Variants in ARHGEF11 observed in about 807,000 individuals in gnomAD.
ARHGEF11 encodes Rho guanine nucleotide exchange factor 11.
Under a neutral mutation model 193.7 loss-of-function variants are expected in ARHGEF11, and 55 were observed. The ratio of observed to expected loss-of-function variants is 0.28; its 90% CI spans 0.23 to 0.36. The LOEUF (loss-of-function observed/expected upper bound fraction) is 0.36, where lower values mean the gene tolerates loss of function less well. Among genes scored for constraint, ARHGEF11 ranks in the 10% least tolerant of loss-of-function variants. ARHGEF11 has a pLI of 1.00. For synonymous variants in ARHGEF11, 693 were observed against 768.0 expected (o/e 0.90, Z 1.62); for missense variants, 1,723 against 2,005.6 (o/e 0.86, Z 2.69).
intron 1 of ARHGEF11, among the ~76,000 whole-genome samples, chr1:157,018,913 G>T (rs536770973): frequency 6.6e-6 from 1 of 152,232 alleles, no homozygotes; most frequent in South Asian, 2.1e-4. Flanking sequence ...AGAACAACTG[G>T]ACCTCATATG....
At chr1:156,965,917 G>C (rs1661617273) in intron 11 of ARHGEF11, among the ~76,000 whole-genome samples, 1 of 152,170 alleles carries the variant, frequency 6.6e-6, no homozygotes, top group Non-Finnish European at 1.5e-5. Flanking sequence ...CCACTCAGAA[G>C]ACAATTTTGA....
At chr1:156,960,591 C>CT (rs1368568285) in intron 14 of ARHGEF11, 131 bp from the exon 15 acceptor site, 3 of 749,102 alleles carry the variant, frequency 4.0e-6, no homozygotes, top group Non-Finnish European at 6.7e-6. Context: ...TACCATCCTT[C>CT]TCATCACTCT....
intron 11 of ARHGEF11, among the ~76,000 whole-genome samples, chr1:156,966,217 G>C (rs1043128447): frequency 6.6e-6 from 1 of 152,116 alleles, no homozygotes; most frequent in Admixed American, 6.5e-5. Context: ...AATTACTTTA[G>C]AGACCCCATC....
chr1:157,018,676 ACCT>A (rs1669594521), intron 1 of ARHGEF11, among the ~76,000 whole-genome samples: 1 of 152,064 alleles, frequency 6.6e-6, no homozygotes, highest in Non-Finnish European at 1.5e-5. Context: ...AATGAAAAAG[ACCT>A]AGAATACTAA....
At chr1:157,034,942 T>C (rs1671725025) in intron 1 of ARHGEF11, among the ~76,000 whole-genome samples, 1 of 151,686 alleles carries the variant, frequency 6.6e-6, no homozygotes, top group Non-Finnish European at 1.5e-5. Flanking sequence ...GAAATAAGAG[T>C]AATGGAGTTG....
Position 156,959,071 on chromosome 1 carries a change from T to A in ARHGEF11, c.1354A>T (p.Ile452Phe). The change falls in exon 16 of 41, where the codon ATC becomes TTC. Residue 452 changes from isoleucine to phenylalanine, a missense_variant. This residue lies in a region of ARHGEF11 where 646 missense variants were observed against 710.7 expected (regional missense o/e 0.91). Transcript: ENST00000368194. ...CEAQEAAMPE[I>F]QEQIHDYRTK... ...CTGTAGTCGTGGATCTGCTCTTGGA[T>A]CTCAGGCATGGCTGCCTCTTGAGCT... 1 of 1,614,180 alleles carries A rather than the reference T, an allele frequency of 6.2e-7. No individual in the cohort carries two copies. The highest frequency in any genetic ancestry group is 8.5e-7 in the Non-Finnish European group (1 of 1,180,038).
At chr1:156,942,837 A>C (rs973204535) in intron 32 of ARHGEF11, 57 bp from the exon 33 acceptor site, 1 of 1,457,048 alleles carries the variant, frequency 6.9e-7, no homozygotes, top group Non-Finnish European at 9.6e-7. Context: ...GTGTGACTGC[A>C]GCCTGGGCCA....
At position 156,935,899 on chromosome 1, in the gene ARHGEF11, C is replaced by T; in HGVS notation, c.*101G>A. ...ATCCTAGTTTCCCTAACTGCCTCCT[C>T]CACAGGGAGGAGTGTTGGGATCCCC... On this transcript the variant is annotated 3_prime_UTR_variant, in exon 41 of 41. Transcript: ENST00000368194. The T allele has an allele frequency of 4.4e-6, 6 of 1,356,958 alleles. No homozygotes were observed. Among genetic ancestry groups the T allele is most frequent in the Non-Finnish European group, 6.0e-6 (6 of 992,714 alleles). 84.1% of individuals were successfully genotyped at this position (1,356,958 alleles called of 1,614,324 possible).
chr1:156,993,690 C>A (rs912490996), intron 1 of ARHGEF11, among the ~76,000 whole-genome samples: 1 of 152,156 alleles, frequency 6.6e-6, no homozygotes, highest in Non-Finnish European at 1.5e-5. Context: ...GCTCCTGGCA[C>A]CCTAACTTTC....
Position 157,013,315 on chromosome 1 carries a change from G to A in ARHGEF11, c.33-27142C>T, listed in dbSNP as rs183522455. On this transcript the variant is annotated intron_variant, in intron 1 of 40. Transcript: ENST00000368194. ...CACACACACACCAAGAACCTTCTCC[G>A]GTGGGTGGGTTTCTTTCAAAGGCAG... Among the ~76,000 whole-genome samples, 45 of 67,650 alleles carry A rather than the reference G, an allele frequency of 6.7e-4. 1 individual carries two copies. The highest frequency in any genetic ancestry group is 2.8e-3 in the Admixed American group (20 of 7,202). The allele number at this position is 67,650 out of a possible 152,430, so 44.4% of individuals were successfully genotyped here. A position where few individuals can be genotyped will look rare whatever the true frequency, so the allele number is the denominator to read the frequency against.
At chr1:156,981,945 C>A (rs1345316435) in intron 3 of ARHGEF11, among the ~76,000 whole-genome samples, 1 of 152,174 alleles carries the variant, frequency 6.6e-6, no homozygotes, top group Non-Finnish European at 1.5e-5. Context: ...CAAAACAAAA[C>A]TCCCACAAAG....
At chr1:156,999,815 C>A (rs140070049) in intron 1 of ARHGEF11, among the ~76,000 whole-genome samples, 182 of 152,328 alleles carry the variant, frequency 1.2e-3, no homozygotes, top group African/African-American at 3.9e-3. Flanking sequence ...CTCCTCACCA[C>A]ATCGTAGCCA....
intron 1 of ARHGEF11, among the ~76,000 whole-genome samples, chr1:157,022,948 A>G (rs1055164354): frequency 1.3e-5 from 2 of 152,254 alleles, no homozygotes; most frequent in African/African-American, 4.8e-5. Flanking sequence ...TCAGAAATCC[A>G]TAAGCAAAAG....
intron 1 of ARHGEF11, among the ~76,000 whole-genome samples, chr1:157,007,173 T>C (rs1667928179): frequency 6.6e-6 from 1 of 151,420 alleles, no homozygotes; most frequent in Non-Finnish European, 1.5e-5. Context: ...ATAGAATAAA[T>C]ACAGACATGA....
intron 1 of ARHGEF11, among the ~76,000 whole-genome samples, chr1:157,036,873 C>G (rs941224612): frequency 2.0e-5 from 3 of 152,054 alleles, no homozygotes; most frequent in Admixed American, 2.0e-4. Flanking sequence ...CACCTGTAAT[C>G]CCAGCACTGT....
chr1:156,957,703 C>A, intron 18 of ARHGEF11, 89 bp downstream of exon 18: 1 of 1,395,006 alleles, frequency 7.2e-7, no homozygotes, highest in South Asian at 1.2e-5. Flanking sequence ...GAGGGACTCC[C>A]CTGTGATTGT....
In ARHGEF11 at chr1:156,984,373, C is replaced by G; in HGVS notation, c.189G>C (p.Gly63=). 1 of 1,598,014 alleles carries G rather than the reference C, an allele frequency of 6.3e-7. No individual in the cohort carries two copies. Among genetic ancestry groups the G allele is most frequent in the Non-Finnish European group, 8.5e-7 (1 of 1,172,262 alleles). Residue 63 remains glycine (G), a synonymous_variant, in exon 3 of 41, where the codon GGG becomes GGC. Transcript: ENST00000368194. ...DQHGFGFTVS[G]DRIVLVQSVR... is the part of the protein sequence containing the mutation. ...CAGACTGCACCAGAACAATGCGATC[C>G]CCACTGACTGTGAAGCCGAAGCCAT...
At chr1:157,031,405 G>C (rs113716166) in intron 1 of ARHGEF11, among the ~76,000 whole-genome samples, 2 of 152,278 alleles carry the variant, frequency 1.3e-5, no homozygotes, top group African/African-American at 2.4e-5. Context: ...GCTGAGCTAA[G>C]AGAACTAGGA....
intron 1 of ARHGEF11, among the ~76,000 whole-genome samples, chr1:157,020,530 A>G (rs1266226970): frequency 1.3e-5 from 2 of 152,242 alleles, no homozygotes; most frequent in African/African-American, 4.8e-5. Context: ...AGAAAATCAC[A>G]ATATGTACAT....
Sources: allele counts gnomAD v4.1 joint callset (sites outside exome capture counted in the v4.1 genomes callset), GRCh38; gene constraint gnomAD v4.1.1; regional missense constraint gnomAD v4.1.1; transcripts MANE v1.5; gene names NCBI Gene and HGNC (gene_info 2026-07-23, HGNC 2026-07-21).